Variants in SCN1A observed in about 807,000 individuals in gnomAD.
The protein encoded by SCN1A is sodium channel protein type 1 subunit alpha.
Under a neutral mutation model 193.7 loss-of-function variants are expected in SCN1A, and 13 were observed. That is an observed-to-expected ratio of 0.07 (90% CI 0.04 to 0.11). The LOEUF (loss-of-function observed/expected upper bound fraction) is 0.11, where lower values mean the gene tolerates loss of function less well. Ranked by LOEUF, SCN1A falls within the 10% of genes least tolerant of loss-of-function variation. The probability of loss-of-function intolerance (pLI) is 1.00; values close to 1 mark genes in which losing one functional copy is unlikely to be tolerated. For missense variants in SCN1A, 1,432 were observed against 2,451.1 expected (o/e 0.58, Z 8.78); for synonymous variants, 781 against 843.6 (o/e 0.93, Z 1.29).
intron 5 of SCN1A, 114 bp downstream of exon 5, chr2:166,058,456 A>G: frequency 4.9e-6 from 3 of 617,474 alleles, no homozygotes; most frequent in Non-Finnish European, 8.7e-6. Flanking sequence ...ATGCAAAATG[A>G]GAGTGATGAA....
chr2:166,012,612 C>CTTTTTTTTT (rs60890420), intron 21 of SCN1A, among the ~76,000 whole-genome samples: 20 of 77,212 alleles, frequency 2.6e-4, no homozygotes, highest in Non-Finnish European at 3.9e-4. Flanking sequence ...CTTCTATTGG[C>CTTTTTTTTT]TTTTTTTTTT....
At chr2:166,030,479 T>G (rs78835699) in intron 19 of SCN1A, among the ~76,000 whole-genome samples, 2,333 of 144,056 alleles carry the variant, frequency 0.016, 68 homozygotes, top group African/African-American at 0.065. Flanking sequence ...CTTTTATAAT[T>G]ACTTTAGTAA....
At chr2:166,147,966 T>G (rs1323006651) in intron 1 of SCN1A, among the ~76,000 whole-genome samples, 2 of 152,218 alleles carry the variant, frequency 1.3e-5, no homozygotes, top group Non-Finnish European at 2.9e-5. Context: ...CTAAGTAACC[T>G]GCCTAATGCC....
At chr2:166,091,332 A>G (rs1247481336) in intron 2 of SCN1A, among the ~76,000 whole-genome samples, 1 of 152,224 alleles carries the variant, frequency 6.6e-6, no homozygotes, top group Non-Finnish European at 1.5e-5. Context: ...TACCTTAGAA[A>G]ATCATTTAGC....
intron 3 of SCN1A, among the ~76,000 whole-genome samples, chr2:166,076,449 C>T (rs1684992763): frequency 1.3e-5 from 2 of 151,850 alleles, no homozygotes; most frequent in Admixed American, 1.3e-4. Flanking sequence ...TTCAATATAT[C>T]AAAGACACTA....
At chr2:166,055,252 A>C (rs1699011758) in intron 6 of SCN1A, among the ~76,000 whole-genome samples, 1 of 151,838 alleles carries the variant, frequency 6.6e-6, no homozygotes, top group Non-Finnish European at 1.5e-5. Context: ...TTAAAATCAA[A>C]GTAAATACTT....
At position 166,043,730 on chromosome 2, in the gene SCN1A, G is replaced by A. The variant is rs780340848; in HGVS notation, c.1982C>T (p.Thr661Ile). The stretch of plus-strand genomic sequence containing the variant: ...TGGCAGAAGCTGTCCAACAGGCGAT[G>A]TAGGAACTGAAGGTCCACCAACCAA... Reference protein sequence around the residue: ...VSLVGGPSVPTSPVGQLLPEV... With the variant: ...VSLVGGPSVPISPVGQLLPEV... Residue 661 changes from threonine to isoleucine, a missense_variant, in exon 14 of 29, where the codon ACA becomes ATA. Physicochemically the swap from Thr to Ile is moderately conservative, Grantham distance 89 (BLOSUM62 -1). Transcript: ENST00000674923. 1.9e-6 allele frequency: 3 copies of A among 1,614,162 alleles called. No individual in the cohort carries two copies. The highest frequency in any genetic ancestry group is 2.2e-5 in the East Asian group (1 of 44,880).
rs573566363 is a variant in SCN1A at position 166,110,269 on chromosome 2, T to A, written c.-142+16655A>T. Among the ~76,000 whole-genome samples, 5 of 152,246 alleles carry A rather than the reference T, an allele frequency of 3.3e-5. No individual in the cohort carries two copies. The South Asian group carries it at 1.0e-3, about 32-fold the overall frequency. ...ACTTTAAATTAAAAGCTAGAAATAATTAAGCTTTGTGAGGAAGACATGTTG... is the reference window on the plus strand; with the variant it reads ...ACTTTAAATTAAAAGCTAGAAATAAATAAGCTTTGTGAGGAAGACATGTTG... On this transcript the variant is annotated intron_variant, in intron 2 of 28. Transcript: ENST00000674923.
chr2:166,075,196 G>T (rs1427881733), intron 3 of SCN1A: 1 of 151,898 alleles, frequency 6.6e-6, no homozygotes, highest in African/African-American at 2.4e-5. Context: ...TTTTTAAATA[G>T]CTTTTTGATA....
At chr2:166,141,708 T>C (rs953634331) in intron 1 of SCN1A, among the ~76,000 whole-genome samples, 4 of 150,366 alleles carry the variant, frequency 2.7e-5, no homozygotes, top group African/African-American at 9.8e-5. Context: ...ACACTTATGT[T>C]ATTTTCTTTC....
intron 19 of SCN1A, among the ~76,000 whole-genome samples, chr2:166,018,237 A>G (rs1265954147): frequency 6.6e-6 from 1 of 151,978 alleles, no homozygotes; most frequent in Non-Finnish European, 1.5e-5. Context: ...TTTTAATGAT[A>G]CCTCTGAAGC....
intron 19 of SCN1A, among the ~76,000 whole-genome samples, chr2:166,022,082 G>T (rs913374716): frequency 4.0e-4 from 61 of 152,012 alleles, no homozygotes; most frequent in African/African-American, 1.5e-3. Context: ...ATACATAAAT[G>T]AAAATTTAAA....
rs148371904 is a variant in SCN1A at position 166,043,902 on chromosome 2, G to A, written c.1810C>T (p.Arg604Cys). ...CGGGGCACAAACAAGGAATCTCTACGGCTCTCGTTATCCTCAAAGGTGCTG... is the reference window on the plus strand; with the variant it reads ...CGGGGCACAAACAAGGAATCTCTACAGCTCTCGTTATCCTCAAAGGTGCTG... Reference protein sequence around the residue: ...EHSTFEDNESRRDSLFVPRRH... With the variant: ...EHSTFEDNESCRDSLFVPRRH... Residue 604 changes from arginine (R) to cysteine (C), a missense_variant, in exon 14 of 29, where the codon CGT becomes TGT. Arg to Cys is a radical substitution (Grantham distance 180). Around this residue, in one of 18 missense-constraint regions of SCN1A, gnomAD observed 316 missense variants for 362.1 expected, o/e 0.87. Coordinates refer to ENST00000674923, the MANE Select transcript of SCN1A (RefSeq NM_001165963.4). 1.4e-5 allele frequency: 22 copies of A among 1,614,090 alleles called. No homozygotes were observed. In the African/African-American group the frequency reaches 2.3e-4, roughly 17 times the overall value.
intron 4 of SCN1A, among the ~76,000 whole-genome samples, chr2:166,061,517 C>T (rs1461200): frequency 0.41 from 61,816 of 151,824 alleles, 13,221 homozygotes; most frequent in East Asian, 0.71. Context: ...AGGATGACTA[C>T]AGTTAAAAAT....
chr2:166,127,440 C>A (rs1691374613), intron 1 of SCN1A, among the ~76,000 whole-genome samples: 1 of 152,138 alleles, frequency 6.6e-6, no homozygotes, highest in African/African-American at 2.4e-5. Flanking sequence ...GGGGCTTCAA[C>A]AGGATCAAAA....
At chr2:166,032,887 A>C (rs1695821249) in intron 19 of SCN1A, among the ~76,000 whole-genome samples, 1 of 152,156 alleles carries the variant, frequency 6.6e-6, no homozygotes, top group South Asian at 2.1e-4. Flanking sequence ...TAGAGAAAAA[A>C]TTGGTCCAAA....
At chr2:166,140,698 A>G (rs950350979) in intron 1 of SCN1A, among the ~76,000 whole-genome samples, 17 of 152,232 alleles carry the variant, frequency 1.1e-4, no homozygotes, top group African/African-American at 4.1e-4. Context: ...GCTGATCGTG[A>G]ACACTTAACA....
At chr2:166,104,771 A>G (rs1438408755) in intron 2 of SCN1A, among the ~76,000 whole-genome samples, 2 of 152,176 alleles carry the variant, frequency 1.3e-5, no homozygotes, top group East Asian at 1.9e-4. Flanking sequence ...GGTACATTTT[A>G]TATATGAGAC....
intron 1 of SCN1A, among the ~76,000 whole-genome samples, chr2:166,147,104 G>A (rs1692356189): frequency 6.6e-6 from 1 of 152,014 alleles, no homozygotes; most frequent in Admixed American, 6.5e-5. Flanking sequence ...TTCTGACTCA[G>A]TAAGTCTGTC....
Sources: allele counts gnomAD v4.1 joint callset (sites outside exome capture counted in the v4.1 genomes callset), GRCh38; gene constraint gnomAD v4.1.1; regional missense constraint gnomAD v4.1.1; transcripts MANE v1.5; gene names NCBI Gene and HGNC (gene_info 2026-07-23, HGNC 2026-07-21).